The following LEKR1 variants were observed in gnomAD, a reference collection of about 807,000 sequenced individuals.
LEKR1 encodes protein LEKR1.
LEKR1 carries 59 observed loss-of-function variants against 72.4 expected under a neutral mutation model. The ratio of observed to expected loss-of-function variants is 0.82; its 90% CI spans 0.66 to 1.01. LEKR1 has a LOEUF of 1.01. LEKR1 is among the 50% of genes least tolerant of loss of function. LEKR1 has a pLI of 0.00. For synonymous variants in LEKR1, 257 were observed against 263.2 expected (o/e 0.98, Z 0.23); for missense variants, 728 against 759.2 (o/e 0.96, Z 0.48).
intron 2 of LEKR1, among the ~76,000 whole-genome samples, chr3:156,830,369 T>C (rs1187609996): frequency 6.6e-6 from 1 of 152,232 alleles, no homozygotes; most frequent in Non-Finnish European, 1.5e-5. Context: ...CACTACCTGA[T>C]GCTGGAAGTA....
chr3:156,881,522 C>G (rs1456270802), intron 3 of LEKR1, among the ~76,000 whole-genome samples: 1 of 151,438 alleles, frequency 6.6e-6, no homozygotes, highest in Non-Finnish European at 1.5e-5. Context: ...AATGGAAGAA[C>G]ATTCCATGCT....
At chr3:156,880,621 A>G (rs1005993438) in intron 3 of LEKR1, among the ~76,000 whole-genome samples, 26 of 152,342 alleles carry the variant, frequency 1.7e-4, no homozygotes, top group Non-Finnish European at 2.5e-4. Flanking sequence ...ATCAATAGAA[A>G]AAGAGGGAAT....
In LEKR1 at chr3:156,993,203, A is replaced by C; in HGVS notation, c.1035A>C (p.Ala345=). The change falls in exon 9 of 13, where the codon GCA becomes GCC. Residue 345 remains alanine (A), a synonymous_variant. Coordinates refer to ENST00000356539, the MANE Select transcript of LEKR1 (RefSeq NM_001004316.3). The part of the protein sequence containing the change: ...EEDIKRRINL[A]ENELEITKTL... The stretch of plus-strand genomic sequence containing the variant: ...ACATAAAGAGAAGAATTAACCTTGC[A>C]GAAAATGAACTGGAGATAACCAAAA... The C allele has an allele frequency of 6.2e-7, 1 of 1,612,924 alleles. No homozygotes were observed. The highest frequency in any genetic ancestry group is 1.1e-5 in the South Asian group (1 of 90,970).
chr3:157,000,607 C>G (rs2108015094), intron 9 of LEKR1, among the ~76,000 whole-genome samples: 1 of 152,264 alleles, frequency 6.6e-6, no homozygotes, highest in East Asian at 1.9e-4. Flanking sequence ...TTAGTTTCCT[C>G]TCTTTCATCT....
intron 3 of LEKR1, among the ~76,000 whole-genome samples, chr3:156,919,353 A>T (rs986218012): frequency 7.1e-6 from 1 of 141,220 alleles, no homozygotes; most frequent in Admixed American, 6.7e-5. Flanking sequence ...TCTACTTTGT[A>T]TTACGAGCAT....
intron 3 of LEKR1, among the ~76,000 whole-genome samples, chr3:156,869,097 C>A (rs1347148756): frequency 6.6e-6 from 1 of 151,976 alleles, no homozygotes; most frequent in Non-Finnish European, 1.5e-5. Flanking sequence ...TCCATTCTTC[C>A]ATTGATGGAC....
intron 3 of LEKR1, among the ~76,000 whole-genome samples, chr3:156,903,723 A>G (rs573533252): frequency 2.6e-5 from 4 of 152,330 alleles, no homozygotes; most frequent in South Asian, 4.1e-4. Context: ...CTGCAAATCA[A>G]CTTTCTCATA....
At chr3:157,032,307 GTA>G (rs780482498) in intron 12 of LEKR1, among the ~76,000 whole-genome samples, 2 of 152,122 alleles carry the variant, frequency 1.3e-5, no homozygotes, top group African/African-American at 2.4e-5. Flanking sequence ...AGGACAATCA[GTA>G]CAGATAGTTC....
chr3:157,017,905 G>A (rs983814214), intron 10 of LEKR1, among the ~76,000 whole-genome samples: 2 of 141,636 alleles, frequency 1.4e-5, no homozygotes, highest in African/African-American at 5.5e-5. Context: ...GCCAAGATCA[G>A]GCCACTGCAC....
rs774489426 is a variant in LEKR1, at chr3:157,045,588, G to T, written c.1917G>T (p.Val639=). The stretch of plus-strand genomic sequence containing the variant: ...TCCAAATTCCCAACCTGCGCGGGGT[G>T]TCAAAACCCACCACTTTCCCAACCT... ...KGIQIPNLRG[V]SKPTTFPTSD... The change falls in exon 13 of 13, where the codon GTG becomes GTT. Residue 639 remains valine (V), a synonymous_variant. Coordinates refer to ENST00000356539, the MANE Select transcript of LEKR1 (RefSeq NM_001004316.3). 5.0e-6 allele frequency: 8 copies of T among 1,614,020 alleles called. No individual in the cohort carries two copies. In the East Asian group the frequency reaches 1.8e-4, roughly 36 times the overall value.
chr3:156,882,236 T>G (rs2108552596), intron 3 of LEKR1, among the ~76,000 whole-genome samples: 1 of 151,950 alleles, frequency 6.6e-6, no homozygotes, highest in East Asian at 1.9e-4. Context: ...GGGAGAAAAT[T>G]TTCGCAACCT....
chr3:156,910,668 C>T (rs1560073611), intron 3 of LEKR1, among the ~76,000 whole-genome samples: 1 of 152,072 alleles, frequency 6.6e-6, no homozygotes, highest in Non-Finnish European at 1.5e-5. Flanking sequence ...AAGGACATGA[C>T]TTCATTCTTT....
intron 3 of LEKR1, among the ~76,000 whole-genome samples, chr3:156,859,513 G>A (rs1193496547): frequency 6.6e-6 from 1 of 152,042 alleles, no homozygotes; most frequent in African/African-American, 2.4e-5. Flanking sequence ...ATATAACACA[G>A]TCCCCACACT....
At chr3:156,846,426 T>C (rs578025116) in intron 2 of LEKR1, among the ~76,000 whole-genome samples, 1 of 152,034 alleles carries the variant, frequency 6.6e-6, no homozygotes, top group East Asian at 1.9e-4. Flanking sequence ...AGTCTTTTAC[T>C]ACTAATTATA....
chr3:156,983,973 T>G (rs373391818), intron 7 of LEKR1, among the ~76,000 whole-genome samples: 1 of 152,220 alleles, frequency 6.6e-6, no homozygotes, highest in East Asian at 1.9e-4. Context: ...AGAAAATCCT[T>G]AACACCCTAG....
At chr3:157,019,900 A>G (rs1021410688) in intron 10 of LEKR1, among the ~76,000 whole-genome samples, 2 of 152,224 alleles carry the variant, frequency 1.3e-5, no homozygotes, top group Non-Finnish European at 2.9e-5. Context: ...CAACACATTC[A>G]GATGGCTCTT....
intron 7 of LEKR1, among the ~76,000 whole-genome samples, chr3:156,985,770 G>A (rs1353859985): frequency 6.6e-6 from 1 of 151,622 alleles, no homozygotes; most frequent in Non-Finnish European, 1.5e-5. Context: ...TGGAGGCAGG[G>A]AGGCAGAGGC....
At chr3:156,952,742 G>T (rs772373055) in intron 6 of LEKR1, among the ~76,000 whole-genome samples, 3 of 151,486 alleles carry the variant, frequency 2.0e-5, no homozygotes, top group Non-Finnish European at 4.4e-5. Context: ...TCTTATAAAT[G>T]AAGTAACAGA....
intron 5 of LEKR1, among the ~76,000 whole-genome samples, chr3:156,939,784 A>G (rs1053391705): frequency 7.9e-5 from 12 of 152,118 alleles, no homozygotes; most frequent in Admixed American, 3.9e-4. Context: ...TTCGGGAAAA[A>G]TATTTTTACC....
Sources: gnomAD v4.1 joint callset for allele counts (sites outside exome capture counted in the v4.1 genomes callset) on GRCh38, gnomAD v4.1.1 for gene constraint, MANE v1.5 for transcripts, NCBI Gene and HGNC (gene_info 2026-07-23, HGNC 2026-07-21) for gene names.